Variants in PPDPFL observed in about 807,000 individuals in gnomAD.
The protein encoded by PPDPFL is pancreatic progenitor cell differentiation and proliferation factor-like protein.
A neutral mutation model predicts 12.6 loss-of-function variants in PPDPFL; 12 were observed. That is an observed-to-expected ratio of 0.95 (90% CI 0.61 to 1.54). PPDPFL has a LOEUF of 1.54. Among genes scored for constraint, PPDPFL ranks in the 40% most tolerant of loss-of-function variants. The pLI is 0.00. For synonymous variants in PPDPFL, 24 were observed against 32.7 expected (o/e 0.73, Z 0.91); for missense variants, 114 against 96.0 (o/e 1.19, Z -0.78).
At chr8:49,069,645 C>A (rs1032322925), upstream of PPDPFL, among the ~76,000 whole-genome samples, 1 of 151,992 alleles carries the variant, frequency 6.6e-6, no homozygotes, top group Non-Finnish European at 1.5e-5. Context: ...GGACATATGC[C>A]CAAAGGAATA....
At chr8:49,070,173 A>G (rs193144016), upstream of PPDPFL, among the ~76,000 whole-genome samples, 26 of 152,332 alleles carry the variant, frequency 1.7e-4, no homozygotes, top group East Asian at 5.0e-3. Flanking sequence ...GTTCTCACGT[A>G]AAAGTGGGAG....
chr8:49,055,746 TA>T (rs750415717), intron 1 of PPDPFL, among the ~76,000 whole-genome samples: 2 of 152,124 alleles, frequency 1.3e-5, no homozygotes, highest in Non-Finnish European at 2.9e-5. Context: ...ACCCTTGGTC[TA>T]GACACCATGG....
In PPDPFL at chr8:49,074,080, G is replaced by C. The variant is rs749719882; in HGVS notation, c.77G>C (p.Ser26Thr). ...ACAGAGTCCAGTGTTTCTTCAGTTA[G>C]TTCTTTAACTAGCTCTGATTCTGTT... ...YYRKSSVSSV[S>T]SLTSSDSVNF... The change falls in exon 3 of 5, where the codon AGT (serine) becomes ACT (threonine). Residue 26 changes from serine to threonine, a missense_variant. Physicochemically the swap from Ser to Thr is moderately conservative, Grantham distance 58. Transcript: ENST00000522267. 6.2e-7 allele frequency: 1 copy of C among 1,612,574 alleles called. No homozygotes were observed. The highest frequency in any genetic ancestry group is 1.3e-5 in the African/African-American group (1 of 74,912).
chr8:49,058,888 G>C (rs1808152688), intron 1 of PPDPFL, among the ~76,000 whole-genome samples: 1 of 152,146 alleles, frequency 6.6e-6, no homozygotes, highest in South Asian at 2.1e-4. Flanking sequence ...TCTTCTTTCT[G>C]GCTGCCTGTT....
In PPDPFL at chr8:49,075,945, A is replaced by G. The variant is rs1035532344; in HGVS notation, c.*772A>G. On this transcript the variant is annotated 3_prime_UTR_variant, in exon 5 of 5. Transcript: ENST00000522267. ...ATAAAGATAGACTGGAAGGAACTGT[A>G]CCAAAATGCTGACAGGGCTATTTCT... 2 of 152,210 alleles carry G rather than the reference A, an allele frequency of 1.3e-5. No homozygotes were observed. Among genetic ancestry groups the G allele is most frequent in the African/African-American group, 4.8e-5 (2 of 41,464 alleles). The allele number at this position is 152,210 out of a possible 1,614,324, so 9.4% of individuals were successfully genotyped here.
chr8:49,055,469 C>T (rs555229279), intron 1 of PPDPFL, among the ~76,000 whole-genome samples: 19 of 152,300 alleles, frequency 1.2e-4, no homozygotes, highest in Non-Finnish European at 2.4e-4. Flanking sequence ...TTGATATGTC[C>T]TGGTCTCAGC....
chr8:49,075,027 A>G (rs1019460001), intron 4 of PPDPFL, 125 bp from the exon 5 acceptor site: 27 of 1,461,134 alleles, frequency 1.8e-5, no homozygotes, highest in African/African-American at 9.8e-5. Flanking sequence ...TTAAAAGCCA[A>G]TGCAAGATTG....
At chr8:49,072,072 C>A (rs900199124), upstream of PPDPFL, among the ~76,000 whole-genome samples, 1 of 152,212 alleles carries the variant, frequency 6.6e-6, no homozygotes, top group Non-Finnish European at 1.5e-5. Flanking sequence ...ACTTGTGTAT[C>A]GCCTCCCTCT....
In PPDPFL at chr8:49,074,318, AT is replaced by A. The variant is rs761202841; in HGVS notation, c.219del (p.Leu74CysfsTer8). On this transcript the variant is annotated frameshift_variant, in exon 4 of 5. Coordinates refer to ENST00000522267, the MANE Select transcript of PPDPFL (RefSeq NM_001256597.2). LOFTEE classifies it high-confidence loss of function. ...GTGCTTTCAAATGTGAGAATAAAAG[AT>A]CTGTCTGCTACTGGGTGAGTTTTAG... ...EPVLSNVRIKDLSATGLQMST... is the reference protein window; with the variant it reads ...EPVLSNVRIKXLSATGLQMST... 6.2e-7 allele frequency: 1 copy of A among 1,613,940 alleles called. No individual in the cohort carries two copies. Among genetic ancestry groups the A allele is most frequent in the Non-Finnish European group, 8.5e-7 (1 of 1,179,808 alleles).
At chr8:49,057,391 T>A (rs531344067) in intron 1 of PPDPFL, among the ~76,000 whole-genome samples, 2 of 152,270 alleles carry the variant, frequency 1.3e-5, no homozygotes, top group Non-Finnish European at 2.9e-5. Context: ...TAAAACAAAC[T>A]ATTTCAGTAT....
intron 1 of PPDPFL, among the ~76,000 whole-genome samples, chr8:49,056,477 T>C (rs1220850236): frequency 2.0e-5 from 3 of 152,200 alleles, no homozygotes; most frequent in Non-Finnish European, 4.4e-5. Flanking sequence ...TATTATAATT[T>C]ATTAGATTAC....
intron 4 of PPDPFL, 180 bp downstream of exon 4, chr8:49,074,513 G>A (rs1311022078): frequency 1.6e-5 from 25 of 1,537,590 alleles, no homozygotes; most frequent in South Asian, 5.9e-5. Context: ...CTTGCAGGTC[G>A]CTGTCAGGAA....
chr8:49,065,894 C>A (rs1240507957), intron 1 of PPDPFL, among the ~76,000 whole-genome samples: 2 of 152,188 alleles, frequency 1.3e-5, no homozygotes. Context: ...GGTCAGAGTG[C>A]AAGCTAATCT....
At chr8:49,074,484 G>T (rs752054476) in intron 4 of PPDPFL, 151 bp downstream of exon 4, 16 of 1,539,366 alleles carry the variant, frequency 1.0e-5, no homozygotes, top group Non-Finnish European at 8.7e-7. Flanking sequence ...GATGAGGGTG[G>T]CACTAACAGA....
intron 1 of PPDPFL, among the ~76,000 whole-genome samples, chr8:49,059,073 T>A (rs1808155350): frequency 6.6e-6 from 1 of 152,202 alleles, no homozygotes; most frequent in Admixed American, 6.6e-5. Context: ...GAGAACAGTG[T>A]CTGTGGCACC....
chr8:49,061,640 G>A (rs79672485), intron 1 of PPDPFL, among the ~76,000 whole-genome samples: 1,928 of 152,308 alleles, frequency 0.013, 16 homozygotes, highest in Non-Finnish European at 0.02. Flanking sequence ...CTGGTGCTGG[G>A]TGTTGCCAAT....
At chr8:49,064,604 C>T (rs1182377683) in intron 1 of PPDPFL, among the ~76,000 whole-genome samples, 1 of 152,152 alleles carries the variant, frequency 6.6e-6, no homozygotes, top group African/African-American at 2.4e-5. Context: ...AGTCCAGCAT[C>T]TCTCACTGCT....
chr8:49,055,755 T>C (rs892605152), intron 1 of PPDPFL, among the ~76,000 whole-genome samples: 5 of 152,096 alleles, frequency 3.3e-5, no homozygotes, highest in African/African-American at 9.7e-5. Flanking sequence ...CTAGACACCA[T>C]GGCATACAAG....
intron 1 of PPDPFL, among the ~76,000 whole-genome samples, chr8:49,064,963 A>G (rs1431036300): frequency 6.6e-6 from 1 of 152,186 alleles, no homozygotes; most frequent in Non-Finnish European, 1.5e-5. Context: ...AAGGGTGTTC[A>G]TGTTCCCAAT....
Sources: allele counts gnomAD v4.1 joint callset (sites outside exome capture counted in the v4.1 genomes callset), GRCh38; gene constraint gnomAD v4.1.1; transcripts MANE v1.5; gene names NCBI Gene and HGNC (gene_info 2026-07-23, HGNC 2026-07-21).